Variants in LUZP2 observed in about 807,000 individuals in gnomAD.
LUZP2 encodes leucine zipper protein 2.
Under a neutral mutation model 51.6 loss-of-function variants are expected in LUZP2, and 52 were observed. That is an observed-to-expected ratio of 1.01 (90% CI 0.81 to 1.27). The LOEUF (loss-of-function observed/expected upper bound fraction) is 1.27. Among genes scored for constraint, LUZP2 ranks in the 50% most tolerant of loss-of-function variants. The probability of loss-of-function intolerance (pLI) is 0.00; values close to 1 mark genes in which losing one functional copy is unlikely to be tolerated. For synonymous variants in LUZP2, 154 were observed against 137.3 expected (o/e 1.12, Z -0.85); for missense variants, 436 against 395.4 (o/e 1.10, Z -0.87).
intron 1 of LUZP2, among the ~76,000 whole-genome samples, chr11:24,530,998 ACCTTT>A (rs1482982659): frequency 6.9e-6 from 1 of 145,692 alleles, no homozygotes; most frequent in African/African-American, 2.6e-5. Context: ...TTTTACCTGA[ACCTTT>A]CCCTTAGCCA....
At chr11:24,683,828 A>C (rs1856819210) in intron 1 of LUZP2, among the ~76,000 whole-genome samples, 1 of 152,164 alleles carries the variant, frequency 6.6e-6, no homozygotes, top group Admixed American at 6.5e-5. Context: ...GATAAATCTC[A>C]GTTCATGCTG....
intron 5 of LUZP2, among the ~76,000 whole-genome samples, chr11:24,778,453 A>G (rs1448126478): frequency 6.6e-6 from 1 of 152,058 alleles, no homozygotes; most frequent in Non-Finnish European, 1.5e-5. Context: ...TAAAATTTAT[A>G]CAATTTGTAA....
At position 24,917,779 on chromosome 11, in the gene LUZP2, G is replaced by T. The variant is rs571417662; in HGVS notation, c.522+3241G>T. ...TAAGTCAGGTAGCATGATGTCTCCA[G>T]CTTTGTTCTTTTGGCTTAGGATTGA... On this transcript the variant is annotated intron_variant, in intron 7 of 11. Transcript: ENST00000336930. Among the ~76,000 whole-genome samples, 302 of 152,250 alleles carry T rather than the reference G, an allele frequency of 2.0e-3. 4 individuals carry two copies. The South Asian group carries it at 0.024, about 12-fold the overall frequency.
chr11:25,050,024 T>C lies in LUZP2; in HGVS notation c.766-14T>C, dbSNP rs775365255. The C allele has an allele frequency of 2.0e-6, 3 of 1,516,100 alleles. No individual in the cohort carries two copies. The highest frequency in any genetic ancestry group is 1.8e-6 in the Non-Finnish European group (2 of 1,117,438). The allele number at this position is 1,516,100 out of a possible 1,614,324, so 93.9% of individuals were successfully genotyped here. A position where few individuals can be genotyped will look rare whatever the true frequency, so the allele number is the denominator to read the frequency against. ...GTGATTTCTTTCTTTCTATCTCTCT[T>C]CGTCTCTTTTAAGCCTCAACAAAGT... On this transcript the variant is annotated splice_polypyrimidine_tract_variant and intron_variant, in intron 9 of 11. Transcript: ENST00000336930.
chr11:24,786,571 A>C (rs1029615414), intron 5 of LUZP2: 19 of 305,850 alleles, frequency 6.2e-5, no homozygotes, highest in Non-Finnish European at 8.5e-5. Context: ...TAATTATATA[A>C]TATATAAAAT....
chr11:24,928,018 G>T (rs1854331183), intron 7 of LUZP2, among the ~76,000 whole-genome samples: 2 of 151,884 alleles, frequency 1.3e-5, no homozygotes, highest in Admixed American at 1.3e-4. Context: ...AAAAAGTTGA[G>T]TTCTTGATTT....
chr11:24,554,099 G>A (rs937270830), intron 1 of LUZP2, among the ~76,000 whole-genome samples: 17 of 152,190 alleles, frequency 1.1e-4, no homozygotes. Context: ...TGATGGCTGA[G>A]TTTTAGCTCC....
At chr11:24,825,198 T>C (rs980916615) in intron 5 of LUZP2, among the ~76,000 whole-genome samples, 1 of 152,204 alleles carries the variant, frequency 6.6e-6, no homozygotes, top group Non-Finnish European at 1.5e-5. Flanking sequence ...TTAAAAAAAT[T>C]ATGTTTCCAT....
chr11:25,028,758 C>T (rs962910496), intron 9 of LUZP2, among the ~76,000 whole-genome samples: 2 of 151,726 alleles, frequency 1.3e-5, no homozygotes, highest in African/African-American at 4.8e-5. Flanking sequence ...CCAGTTCATC[C>T]ATAAGATAGT....
At chr11:24,742,057 T>TTTTATATA (rs571183533) in intron 4 of LUZP2, among the ~76,000 whole-genome samples, 2,860 of 116,282 alleles carry the variant, frequency 0.025, 106 homozygotes, top group Non-Finnish European at 0.036. Flanking sequence ...ATAAATATAA[T>TTTTATATA]TATATATATA....
intron 1 of LUZP2, among the ~76,000 whole-genome samples, chr11:24,532,453 A>C (rs1851036020): frequency 6.6e-6 from 1 of 151,022 alleles, no homozygotes; most frequent in African/African-American, 2.4e-5. Context: ...GTTATTGAAG[A>C]AATAAATAAC....
chr11:25,028,517 G>A (rs1274989405), intron 9 of LUZP2, among the ~76,000 whole-genome samples: 1 of 152,112 alleles, frequency 6.6e-6, no homozygotes, highest in African/African-American at 2.4e-5. Context: ...AGAACATTAT[G>A]TTAAGTGAAA....
At chr11:24,802,239 G>A (rs532051382) in intron 5 of LUZP2, among the ~76,000 whole-genome samples, 1 of 152,132 alleles carries the variant, frequency 6.6e-6, no homozygotes, top group South Asian at 2.1e-4. Flanking sequence ...CATATGGTTA[G>A]CTATGATATA....
intron 1 of LUZP2, among the ~76,000 whole-genome samples, chr11:24,713,371 G>A (rs2083521625): frequency 6.6e-6 from 1 of 152,070 alleles, no homozygotes; most frequent in African/African-American, 2.4e-5. Context: ...CAGTCTCCTT[G>A]ATTGTGAATT....
At chr11:24,825,232 G>T (rs917474302) in intron 5 of LUZP2, among the ~76,000 whole-genome samples, 2 of 152,092 alleles carry the variant, frequency 1.3e-5, no homozygotes, top group Non-Finnish European at 2.9e-5. Flanking sequence ...AAAAGGGTGT[G>T]AGAAAATGTA....
At chr11:24,790,502 T>G (rs993793266) in intron 5 of LUZP2, among the ~76,000 whole-genome samples, 4 of 152,132 alleles carry the variant, frequency 2.6e-5, no homozygotes, top group Admixed American at 2.0e-4. Flanking sequence ...TTTTATTTAT[T>G]TATTTATTTA....
chr11:24,723,434 A>G (rs1482640708), intron 1 of LUZP2, among the ~76,000 whole-genome samples: 1 of 152,202 alleles, frequency 6.6e-6, no homozygotes, highest in African/African-American at 2.4e-5. Context: ...TTGCAGCATT[A>G]CTCATAATAT....
At chr11:24,589,566 T>C (rs1199361804) in intron 1 of LUZP2, among the ~76,000 whole-genome samples, 1 of 152,196 alleles carries the variant, frequency 6.6e-6, no homozygotes, top group African/African-American at 2.4e-5. Context: ...ATAAACTGAA[T>C]GGAGCATAGA....
chr11:24,898,714 A>AC (rs899458712), intron 5 of LUZP2, among the ~76,000 whole-genome samples: 1 of 152,156 alleles, frequency 6.6e-6, no homozygotes, highest in African/African-American at 2.4e-5. Flanking sequence ...CTTGTGTAAA[A>AC]AATAAGATTT....
Sources: gnomAD v4.1 joint callset for allele counts (sites outside exome capture counted in the v4.1 genomes callset) on GRCh38, gnomAD v4.1.1 for gene constraint, MANE v1.5 for transcripts, NCBI Gene and HGNC (gene_info 2026-07-23, HGNC 2026-07-21) for gene names.